TCHP: variants seen among roughly 807,000 people sequenced by gnomAD.
TCHP encodes the protein trichoplein keratin filament binding.
In TCHP, 81 loss-of-function variants were observed where a neutral mutation model predicts 88.7. The observed-to-expected ratio is 0.91, with a 90% confidence interval of 0.76 to 1.10. The LOEUF (loss-of-function observed/expected upper bound fraction) is 1.10, where lower values mean the gene tolerates loss of function less well. TCHP is among the 50% of genes least tolerant of loss of function. TCHP has a pLI of 0.00. For missense variants in TCHP, 641 were observed against 632.1 expected, an observed-to-expected ratio of 1.01 and a Z score of -0.15; for synonymous variants, 232 against 232.5, an observed-to-expected ratio of 1.00 and a Z score of 0.02.
At chr12:109,889,628 G>A in the TCHP span, among the ~76,000 whole-genome samples, 4 of 152,156 alleles carry the variant, frequency 2.6e-5, no homozygotes, top group African/African-American at 4.8e-5. Context: ...GTAAAGTTAG[G>A]ACAGTAGCAA....
At chr12:109,910,960 A>T in intron 8 of TCHP, 103 bp from the exon 9 acceptor site, 1 of 1,399,850 alleles carries the variant, frequency 7.1e-7, no homozygotes, top group Non-Finnish European at 9.3e-7. Context: ...TAGAATCACG[A>T]ATGTCTATGT....
upstream of TCHP, among the ~76,000 whole-genome samples, chr12:109,896,222 C>T (rs913730091): frequency 1.3e-5 from 2 of 152,248 alleles, no homozygotes; most frequent in Non-Finnish European, 2.9e-5. Context: ...GCTGGCATTA[C>T]AGGCGTGAGC....
At chr12:109,891,647 T>C in the TCHP span, among the ~76,000 whole-genome samples, 1 of 152,024 alleles carries the variant, frequency 6.6e-6, no homozygotes, top group Non-Finnish European at 1.5e-5. Context: ...GTGATCCACC[T>C]GCCTTGGCTT....
At chr12:109,909,234 C>T (rs1302377956) in intron 8 of TCHP, among the ~76,000 whole-genome samples, 1 of 152,124 alleles carries the variant, frequency 6.6e-6, no homozygotes. Context: ...ATTAGCTTGA[C>T]CGTAAGGATC....
upstream of TCHP, among the ~76,000 whole-genome samples, chr12:109,896,022 C>T (rs1320572134): frequency 6.6e-6 from 1 of 152,120 alleles, no homozygotes; most frequent in African/African-American, 2.4e-5. Flanking sequence ...TTTCGGCTCA[C>T]TGCAACCTCT....
Position 109,913,086 on chromosome 12 carries a change from C to T in TCHP, c.1134+14C>T, listed in dbSNP as rs760086883. ...CTGATGAGCGAGGTAATCCCAGCTG[C>T]GGCGATGTGGACCGGCTGTTGGGTC... On this transcript the variant is annotated intron_variant, in intron 10 of 12. Coordinates refer to ENST00000405876, the MANE Select transcript of TCHP (RefSeq NM_001143852.2). 15 of 1,613,178 alleles carry T rather than the reference C, an allele frequency of 9.3e-6. No homozygotes were observed. The African/African-American group carries it at 1.2e-4, about 13-fold the overall frequency.
upstream of TCHP, among the ~76,000 whole-genome samples, chr12:109,896,018 C>T (rs113590815): frequency 3.0e-3 from 452 of 152,206 alleles, 2 homozygotes; most frequent in African/African-American, 0.01. Flanking sequence ...ATGATTTCGG[C>T]TCACTGCAAC....
chr12:109,914,490 C>T lies in TCHP; in HGVS notation c.1183C>T (p.Arg395Ter), dbSNP rs141600308. 31 of 1,613,930 alleles carry T rather than the reference C, an allele frequency of 1.9e-5. No homozygotes were observed. Among genetic ancestry groups the T allele is most frequent in the Non-Finnish European group, 2.4e-5 (28 of 1,179,998 alleles). The change falls in exon 11 of 13, where the codon CGA (arginine) becomes TGA (stop). Residue 395 changes from arginine to a stop codon, truncating the protein, a stop_gained. Transcript: ENST00000405876. LOFTEE classifies it high-confidence loss of function. The stretch of plus-strand genomic sequence containing the variant: ...AATACAAGAGAAGATTGAGCAGAAC[C>T]GACGGGCACAAGAGGAATCCCTGAA... ...QQIQEKIEQNRRAQEESLKHR... is the reference protein window; with the variant it reads ...QQIQEKIEQN
At chr12:109,904,962 T>C (rs1029014893) in intron 4 of TCHP, 169 bp downstream of exon 4, 9 of 606,886 alleles carry the variant, frequency 1.5e-5, no homozygotes, top group Middle Eastern at 4.4e-4. Context: ...GCTGAGCGGC[T>C]CATTCGGTTG....
At chr12:109,883,170 A>G in the TCHP span, among the ~76,000 whole-genome samples, 3 of 148,778 alleles carry the variant, frequency 2.0e-5, no homozygotes, top group African/African-American at 7.5e-5. Context: ...AGTACCTGGG[A>G]CTACAGGAAC....
Position 109,903,308 on chromosome 12 carries a change from C to T in TCHP, c.188+94C>T. 8.1e-7 allele frequency: 1 copy of T among 1,236,780 alleles called. No individual in the cohort carries two copies. Among genetic ancestry groups the T allele is most frequent in the Non-Finnish European group, 1.1e-6 (1 of 893,588 alleles). The allele number at this position is 1,236,780 out of a possible 1,614,324, so 76.6% of individuals were successfully genotyped here. ...AGGATTTAGGGAGCGTAGGATTTGCCAGGCAGTATGAATTACCTGCATGGT... is the reference window on the plus strand; with the variant it reads ...AGGATTTAGGGAGCGTAGGATTTGCTAGGCAGTATGAATTACCTGCATGGT... On this transcript the variant is annotated intron_variant, in intron 2 of 12. Coordinates refer to ENST00000405876, the MANE Select transcript of TCHP (RefSeq NM_001143852.2). This position sits in a 1 kb window ranked among gnomAD's most constrained non-coding sequence, Gnocchi z 4.6.
chr12:109,891,326 T>A, the TCHP span, among the ~76,000 whole-genome samples: 2 of 152,046 alleles, frequency 1.3e-5, no homozygotes, highest in East Asian at 3.9e-4. Context: ...GTTGAGTGAG[T>A]AAATGTGCTA....
At chr12:109,887,350 A>AG in the TCHP span, among the ~76,000 whole-genome samples, 25 of 147,852 alleles carry the variant, frequency 1.7e-4, no homozygotes, top group African/African-American at 6.4e-4. Flanking sequence ...TGAACACAGG[A>AG]GGCAGAGGTT....
chr12:109,907,475 T>C, intron 5 of TCHP, 51 bp from the exon 6 acceptor site: 1 of 1,572,210 alleles, frequency 6.4e-7, no homozygotes, highest in South Asian at 1.2e-5. Flanking sequence ...AGCTAGGTTT[T>C]TGTTGGCTTA....
At position 109,906,583 on chromosome 12, in the gene TCHP, C is replaced by T; in HGVS notation, c.468C>T (p.Asp156=). The change falls in exon 5 of 13, where the codon GAC becomes GAT. Residue 156 remains aspartate (D), a synonymous_variant. Coordinates refer to ENST00000405876, the MANE Select transcript of TCHP (RefSeq NM_001143852.2). ...NNPKLREMEL[D]LHQKHVVNSW... is the part of the protein sequence containing the mutation. ...CCTTCCATCCTCAGATGGAGCTGGA[C>T]CTTCACCAGAAGCATGTCGTAAACT... The T allele has an allele frequency of 1.2e-6, 2 of 1,612,954 alleles. No homozygotes were observed. Among genetic ancestry groups the T allele is most frequent in the Non-Finnish European group, 1.7e-6 (2 of 1,179,878 alleles).
chr12:109,906,742 G>A, intron 5 of TCHP, 102 bp downstream of exon 5: 3 of 915,916 alleles, frequency 3.3e-6, no homozygotes, highest in Non-Finnish European at 5.2e-6. Context: ...CTCCAGTTAA[G>A]GAGTGTAGTG....
intron 5 of TCHP, 44 bp downstream of exon 5, chr12:109,906,684 G>A (rs752190980): frequency 9.2e-6 from 14 of 1,523,728 alleles, no homozygotes; most frequent in Admixed American, 6.7e-5. Context: ...TCTGCTGTGC[G>A]AGACTGTTCA....
rs1870875828 is a variant in TCHP at position 109,917,355 on chromosome 12, T to C, written c.*732T>C. The C allele has an allele frequency of 6.6e-6, 1 of 152,158 alleles. No individual in the cohort carries two copies. The highest frequency in any genetic ancestry group is 6.5e-5 in the Admixed American group (1 of 15,268). The allele number at this position is 152,158 out of a possible 1,614,324, so 9.4% of individuals were successfully genotyped here. ...AAACTGGGTGTGGTGGCACGTGCCT[T>C]TAGTCCCAGCTACCCGGGAGGCTGC... is the stretch of plus-strand genomic sequence containing the variant. On this transcript the variant is annotated 3_prime_UTR_variant, in exon 13 of 13. Transcript: ENST00000405876.
chr12:109,883,420 CT>C, the TCHP span, among the ~76,000 whole-genome samples: 1 of 152,058 alleles, frequency 6.6e-6, no homozygotes, highest in South Asian at 2.1e-4. Flanking sequence ...GTGAGAGGGG[CT>C]GGGGAAGATA....
Sources: gnomAD v4.1 joint callset for allele counts (sites outside exome capture counted in the v4.1 genomes callset) on GRCh38, gnomAD v4.1.1 for gene constraint, Gnocchi (gnomAD v3.1) non-coding constraint, MANE v1.5 for transcripts, NCBI Gene and HGNC (gene_info 2026-07-23, HGNC 2026-07-21) for gene names.